Variants in TENM3 observed in about 807,000 individuals in gnomAD.
TENM3 encodes teneurin-3.
Under a neutral mutation model 255.1 loss-of-function variants are expected in TENM3, and 63 were observed. That is an observed-to-expected ratio of 0.25 (90% CI 0.20 to 0.30). The LOEUF is 0.30. Ranked by LOEUF, TENM3 falls within the 10% of genes least tolerant of loss-of-function variation. TENM3 has a pLI of 1.00. For missense variants in TENM3, 2,929 were observed against 3,461.1 expected (o/e 0.85, Z 3.86); for synonymous variants, 1,306 against 1,322.3 (o/e 0.99, Z 0.27).
chr4:181,526,038 G>C, the TENM3 span, among the ~76,000 whole-genome samples: 1 of 152,142 alleles, frequency 6.6e-6, no homozygotes, highest in Non-Finnish European at 1.5e-5. Flanking sequence ...AGCTTTCCCA[G>C]ACAGTTGTAA....
the TENM3 span, among the ~76,000 whole-genome samples, chr4:181,464,610 T>C: frequency 2.6e-5 from 4 of 152,200 alleles, no homozygotes; most frequent in African/African-American, 9.7e-5. Flanking sequence ...TTTCTTTTCA[T>C]TTTCTTAATT....
At chr4:182,031,611 G>C in the TENM3 span, among the ~76,000 whole-genome samples, 3 of 152,156 alleles carry the variant, frequency 2.0e-5, no homozygotes, top group African/African-American at 4.8e-5. Flanking sequence ...AGTTTGATTG[G>C]AATAGTATTG....
intron 1 of TENM3, among the ~76,000 whole-genome samples, chr4:182,247,320 A>G (rs1757720037): frequency 6.6e-6 from 1 of 152,170 alleles, no homozygotes; most frequent in Non-Finnish European, 1.5e-5. Context: ...CGAAGAGAAG[A>G]CTGGAGAGAG....
At chr4:181,481,436 A>T in the TENM3 span, among the ~76,000 whole-genome samples, 1 of 152,134 alleles carries the variant, frequency 6.6e-6, no homozygotes, top group Non-Finnish European at 1.5e-5. Context: ...GTAATTCGTA[A>T]TTTTCCAATT....
At chr4:182,744,410 G>A (rs529805792) in intron 19 of TENM3, among the ~76,000 whole-genome samples, 3 of 152,138 alleles carry the variant, frequency 2.0e-5, no homozygotes, top group Admixed American at 6.5e-5. Flanking sequence ...TTACAAAAAA[G>A]TATAAGGAAT....
At chr4:181,892,060 A>T in the TENM3 span, among the ~76,000 whole-genome samples, 1 of 152,180 alleles carries the variant, frequency 6.6e-6, no homozygotes, top group African/African-American at 2.4e-5. Flanking sequence ...AAACCTGCCA[A>T]TGCCTTGATC....
chr4:182,771,112 C>G (rs1226387212), intron 22 of TENM3, among the ~76,000 whole-genome samples: 1 of 152,064 alleles, frequency 6.6e-6, no homozygotes, highest in Admixed American at 6.6e-5. Flanking sequence ...CTCCCTGTGC[C>G]GAGGATCCTG....
At chr4:182,250,145 T>C (rs58322699) in intron 1 of TENM3, among the ~76,000 whole-genome samples, 1,761 of 150,210 alleles carry the variant, frequency 0.012, 34 homozygotes, top group African/African-American at 0.038. Context: ...CTCTGCCTCC[T>C]GGGTTCACGC....
intron 1 of TENM3, among the ~76,000 whole-genome samples, chr4:182,296,756 A>C (rs555831616): frequency 6.6e-6 from 1 of 152,350 alleles, no homozygotes; most frequent in East Asian, 1.9e-4. Context: ...CATGGGATTA[A>C]AACAAAAGAG....
At chr4:181,728,333 A>G in the TENM3 span, among the ~76,000 whole-genome samples, 1 of 152,182 alleles carries the variant, frequency 6.6e-6, no homozygotes, top group African/African-American at 2.4e-5. Flanking sequence ...AGCGGTTAAG[A>G]AAGTAAAACA....
chr4:181,747,803 AT>A, the TENM3 span, among the ~76,000 whole-genome samples: 14 of 151,924 alleles, frequency 9.2e-5, no homozygotes, highest in Non-Finnish European at 1.9e-4. Context: ...TAAAATGTTG[AT>A]CCATTTGAAA....
At chr4:181,734,437 A>G in the TENM3 span, among the ~76,000 whole-genome samples, 101 of 152,238 alleles carry the variant, frequency 6.6e-4, 1 homozygote, top group African/African-American at 2.3e-3. Flanking sequence ...CTACATCACC[A>G]ACACATACAT....
chr4:181,718,562 T>A, the TENM3 span, among the ~76,000 whole-genome samples: 1 of 152,194 alleles, frequency 6.6e-6, no homozygotes, highest in East Asian at 1.9e-4. Context: ...AAGCCAGGAT[T>A]TGAATTCAGA....
chr4:181,463,567 A>G, the TENM3 span, among the ~76,000 whole-genome samples: 2 of 152,194 alleles, frequency 1.3e-5, no homozygotes, highest in South Asian at 4.1e-4. Flanking sequence ...GTATTTAATA[A>G]AACATGGATA....
At chr4:181,725,456 T>G in the TENM3 span, among the ~76,000 whole-genome samples, 3 of 151,086 alleles carry the variant, frequency 2.0e-5, no homozygotes, top group African/African-American at 4.9e-5. Flanking sequence ...CCAGCTTTCT[T>G]GTTTGTTTGT....
chr4:182,616,550 T>A (rs1304901390), intron 4 of TENM3, among the ~76,000 whole-genome samples: 19 of 97,492 alleles, frequency 1.9e-4, no homozygotes, highest in East Asian at 2.8e-4. Context: ...GGTCAGGAGA[T>A]CAAGACCATC....
At chr4:181,660,748 C>T in the TENM3 span, among the ~76,000 whole-genome samples, 7 of 152,208 alleles carry the variant, frequency 4.6e-5, no homozygotes, top group Admixed American at 2.0e-4. Flanking sequence ...ATGCCTCTTA[C>T]GTTACTGGAA....
the TENM3 span, among the ~76,000 whole-genome samples, chr4:181,849,824 A>T: frequency 1.3e-5 from 2 of 152,134 alleles, no homozygotes; most frequent in Admixed American, 6.6e-5. Context: ...TGAATGAAAG[A>T]CCAAAATTAA....
the TENM3 span, among the ~76,000 whole-genome samples, chr4:181,916,351 T>C: frequency 2.0e-5 from 3 of 152,318 alleles, no homozygotes; most frequent in South Asian, 2.1e-4. Flanking sequence ...AAAATTAAAC[T>C]GTAAATTCCA....
Sources: gnomAD v4.1 joint callset for allele counts (sites outside exome capture counted in the v4.1 genomes callset) on GRCh38, gnomAD v4.1.1 for gene constraint, MANE v1.5 for transcripts, NCBI Gene and HGNC (gene_info 2026-07-23, HGNC 2026-07-21) for gene names.